Variants in PGM5 observed in about 807,000 individuals in gnomAD.
PGM5 encodes the protein phosphoglucomutase-like protein 5.
In PGM5, 23 loss-of-function variants were observed where a neutral mutation model predicts 59.2. The observed-to-expected ratio is 0.39, with a 90% CI of 0.28 to 0.55. The LOEUF (loss-of-function observed/expected upper bound fraction) is 0.55, where lower values mean the gene tolerates loss of function less well. PGM5 is among the 20% of genes least tolerant of loss of function. PGM5 has a pLI of 0.66. For missense variants in PGM5, 574 were observed against 748.3 expected, an observed-to-expected ratio of 0.77 and a Z score of 2.72; for synonymous variants, 214 against 286.0, an observed-to-expected ratio of 0.75 and a Z score of 2.54.
intron 10 of PGM5, among the ~76,000 whole-genome samples, chr9:68,508,748 T>A (rs1824697227): frequency 1.3e-5 from 2 of 152,226 alleles, no homozygotes; most frequent in African/African-American, 4.8e-5. Context: ...TCCAGCACAA[T>A]CTGCCTTTCC....
chr9:68,361,118 A>G (rs1287116580), intron 1 of PGM5, among the ~76,000 whole-genome samples: 3 of 152,098 alleles, frequency 2.0e-5, no homozygotes, highest in Non-Finnish European at 4.4e-5. Context: ...AGGTCTTACT[A>G]CGTTGCCCAG....
chr9:68,467,062 TG>T (rs1823946395), intron 7 of PGM5, among the ~76,000 whole-genome samples: 1 of 152,112 alleles, frequency 6.6e-6, no homozygotes, highest in Non-Finnish European at 1.5e-5. Flanking sequence ...GAGAAGGGTT[TG>T]GGGGAGCAGA....
rs1308436442 is a variant in PGM5 at position 68,391,461 on chromosome 9, G to A, written c.698-73G>A. The stretch of plus-strand genomic sequence containing the variant: ...TCTGGGTTATTAAATGGTGTTTCCT[G>A]TACTATTCAGAACAAAATACTCTGG... On this transcript the variant is annotated intron_variant, in intron 4 of 10. Coordinates refer to ENST00000396396, the MANE Select transcript of PGM5 (RefSeq NM_021965.4). The A allele has an allele frequency of 8.0e-6, 10 of 1,255,294 alleles. No individual in the cohort carries two copies. In the East Asian group the frequency reaches 2.1e-4, roughly 26 times the overall value. The allele number at this position is 1,255,294 out of a possible 1,614,324, so 77.8% of individuals were successfully genotyped here.
At chr9:68,357,776 A>C (rs2777172) in intron 1 of PGM5, 2 of 211,344 alleles carry the variant, frequency 9.5e-6, no homozygotes, top group Non-Finnish European at 1.8e-5. Context: ...TTCCCAACGC[A>C]TTCACTGCCC....
chr9:68,360,417 G>A (rs1554676201), intron 1 of PGM5, among the ~76,000 whole-genome samples: 3 of 150,900 alleles, frequency 2.0e-5, no homozygotes. Flanking sequence ...TTCCCATGGA[G>A]TGATGGAGAA....
Position 68,391,742 on chromosome 9 carries a change from C to T in PGM5, c.888+18C>T. On this transcript the variant is annotated intron_variant, in intron 5 of 10. Coordinates refer to ENST00000396396, the MANE Select transcript of PGM5 (RefSeq NM_021965.4). ...CTGATGGGGTAAGTAGGAAAGCTGT[C>T]TGTCTGCTGACCCTTTGATCATATA... The T allele has an allele frequency of 6.2e-7, 1 of 1,611,478 alleles. No homozygotes were observed.
At chr9:68,466,267 TG>T in intron 7 of PGM5, 1 of 983,900 alleles carries the variant, frequency 1.0e-6, no homozygotes, top group South Asian at 2.2e-5. Context: ...TCCGATACTG[TG>T]TGTTTTTTTT....
intron 1 of PGM5, among the ~76,000 whole-genome samples, chr9:68,367,088 C>T (rs1431261350): frequency 1.3e-5 from 2 of 152,050 alleles, no homozygotes; most frequent in Non-Finnish European, 2.9e-5. Context: ...CATTTGTATG[C>T]GTACTCACAC....
chr9:68,372,781 G>A (rs1242046579), intron 1 of PGM5, among the ~76,000 whole-genome samples: 2 of 152,096 alleles, frequency 1.3e-5, no homozygotes, highest in Admixed American at 1.3e-4. Context: ...TACACATGGC[G>A]GATGACAAAG....
intron 6 of PGM5, among the ~76,000 whole-genome samples, chr9:68,419,558 G>A (rs1406361594): frequency 1.3e-5 from 2 of 152,190 alleles, no homozygotes. Context: ...TACTTTAGGG[G>A]TCCGGGGAAA....
chr9:68,401,883 ATATATATGTG>A (rs781833306), intron 6 of PGM5, among the ~76,000 whole-genome samples: 31 of 105,952 alleles, frequency 2.9e-4, no homozygotes, highest in East Asian at 1.5e-3. Flanking sequence ...ACAGCTATAT[ATATATATGTG>A]TGTGTGTGTG....
chr9:68,508,852 A>G (rs1824699306), intron 10 of PGM5, among the ~76,000 whole-genome samples: 1 of 152,220 alleles, frequency 6.6e-6, no homozygotes, highest in Admixed American at 6.5e-5. Context: ...ACTGGTGGTG[A>G]TTCAGGTTTT....
chr9:68,367,708 C>T (rs1194309478), intron 1 of PGM5, among the ~76,000 whole-genome samples: 2 of 151,616 alleles, frequency 1.3e-5, no homozygotes, highest in African/African-American at 4.9e-5. Context: ...CTATGATTGC[C>T]AGAGGTCTTT....
chr9:68,410,756 T>A (rs1822914910), intron 6 of PGM5, among the ~76,000 whole-genome samples: 1 of 152,174 alleles, frequency 6.6e-6, no homozygotes, highest in African/African-American at 2.4e-5. Flanking sequence ...CCACAAAGAT[T>A]GGGAACAAGG....
intron 10 of PGM5, among the ~76,000 whole-genome samples, chr9:68,520,006 C>T (rs907543382): frequency 2.0e-5 from 3 of 150,814 alleles, no homozygotes; most frequent in African/African-American, 7.3e-5. Context: ...GAGAGGATTG[C>T]TCAAGCCTGG....
chr9:68,509,073 T>TG (rs1824703638), intron 10 of PGM5, among the ~76,000 whole-genome samples: 1 of 152,130 alleles, frequency 6.6e-6, no homozygotes, highest in Non-Finnish European at 1.5e-5. Flanking sequence ...TTCATTCACA[T>TG]GGGGAATACA....
chr9:68,452,692 CGTACT>C (rs1254233344), intron 6 of PGM5, among the ~76,000 whole-genome samples: 1 of 152,212 alleles, frequency 6.6e-6, no homozygotes, highest in African/African-American at 2.4e-5. Flanking sequence ...ACCAAACAGA[CGTACT>C]GTCAGCCACA....
intron 6 of PGM5, among the ~76,000 whole-genome samples, chr9:68,406,660 G>GTA (rs1305648432): frequency 3.3e-4 from 19 of 57,632 alleles, no homozygotes; most frequent in Non-Finnish European, 5.1e-4. Flanking sequence ...ATTAAATTAG[G>GTA]TATATATATA....
Position 68,499,366 on chromosome 9 carries a change from A to G in PGM5, c.1614+5A>G. The G allele has an allele frequency of 6.2e-7, 1 of 1,613,912 alleles. No individual in the cohort carries two copies. The highest frequency in any genetic ancestry group is 8.5e-7 in the Non-Finnish European group (1 of 1,179,896). ...GGCCATGACCAGGAGCCACAGGTACAGAAACAGCTGTGCTCCCAGCAGTGT... is the reference window on the plus strand; with the variant it reads ...GGCCATGACCAGGAGCCACAGGTACGGAAACAGCTGTGCTCCCAGCAGTGT... On this transcript the variant is annotated splice_donor_5th_base_variant and intron_variant, in intron 10 of 10. Coordinates refer to ENST00000396396, the MANE Select transcript of PGM5 (RefSeq NM_021965.4).
Sources: gnomAD v4.1 joint callset for allele counts (sites outside exome capture counted in the v4.1 genomes callset) on GRCh38, gnomAD v4.1.1 for gene constraint, MANE v1.5 for transcripts, NCBI Gene and HGNC (gene_info 2026-07-23, HGNC 2026-07-21) for gene names.